The following ALLC variants were observed in gnomAD, a reference collection of about 807,000 sequenced individuals.
The protein encoded by ALLC is allantoicase, also known as probable inactive allantoicase.
In ALLC, 40 loss-of-function variants were observed where a neutral mutation model predicts 45.0. The observed-to-expected ratio is 0.89, with a 90% CI of 0.69 to 1.16. The LOEUF is 1.16. Ranked by LOEUF, ALLC falls within the 50% of genes most tolerant of loss-of-function variation. The pLI is 0.00. For synonymous variants in ALLC, 176 were observed against 178.1 expected, an observed-to-expected ratio of 0.99 and a Z score of 0.09; for missense variants, 488 against 493.1, an observed-to-expected ratio of 0.99 and a Z score of 0.10.
intron 1 of ALLC, among the ~76,000 whole-genome samples, chr2:3,667,851 G>A (rs550630416): frequency 3.3e-5 from 5 of 152,304 alleles, no homozygotes; most frequent in East Asian, 1.9e-4. Flanking sequence ...CGCAACCTCC[G>A]CCTTCCGGGT....
the ALLC span, among the ~76,000 whole-genome samples, chr2:3,647,104 C>A: frequency 6.6e-6 from 1 of 152,152 alleles, no homozygotes; most frequent in Non-Finnish European, 1.5e-5. Flanking sequence ...CTCTGGTTCG[C>A]TGAGGTGGCC....
intron 1 of ALLC, among the ~76,000 whole-genome samples, chr2:3,661,832 G>T (rs1666585370): frequency 6.6e-6 from 1 of 152,188 alleles, no homozygotes; most frequent in African/African-American, 2.4e-5. Context: ...TGGTCTGTTT[G>T]GCAGACCTCC....
At chr2:3,698,066 C>T (rs533609625) in intron 10 of ALLC, among the ~76,000 whole-genome samples, 21 of 152,082 alleles carry the variant, frequency 1.4e-4, no homozygotes, top group African/African-American at 4.6e-4. Context: ...TGGGTTCAAG[C>T]GATTCTTCCT....
intron 10 of ALLC, among the ~76,000 whole-genome samples, chr2:3,699,645 C>T (rs1667771858): frequency 6.6e-6 from 1 of 152,176 alleles, no homozygotes; most frequent in South Asian, 2.1e-4. Flanking sequence ...CCCTTTTCTC[C>T]ACAACCTTGT....
At chr2:3,659,817 G>A (rs1015045541) in intron 1 of ALLC, among the ~76,000 whole-genome samples, 5 of 152,236 alleles carry the variant, frequency 3.3e-5, no homozygotes. Flanking sequence ...CACAGCACAG[G>A]CCACTGTGGA....
the ALLC span, among the ~76,000 whole-genome samples, chr2:3,651,088 G>T: frequency 6.6e-6 from 1 of 152,118 alleles, no homozygotes; most frequent in African/African-American, 2.4e-5. Flanking sequence ...TGGCACGCGT[G>T]TATTTCTCAG....
At chr2:3,668,566 C>CT (rs1173613810) in intron 1 of ALLC, among the ~76,000 whole-genome samples, 876 of 71,858 alleles carry the variant, frequency 0.012, 168 homozygotes, top group African/African-American at 0.036. Flanking sequence ...ATGTGTATGA[C>CT]TTTTTTTTTT....
At chr2:3,682,652 A>T (rs193165052) in intron 6 of ALLC, among the ~76,000 whole-genome samples, 4 of 152,034 alleles carry the variant, frequency 2.6e-5, no homozygotes, top group Admixed American at 2.0e-4. Context: ...CAGCCTCCCG[A>T]GTAGCTGGGA....
At chr2:3,651,135 GACAC>G in the ALLC span, among the ~76,000 whole-genome samples, 1 of 152,088 alleles carries the variant, frequency 6.6e-6, no homozygotes, top group South Asian at 2.1e-4. Flanking sequence ...GATGAGCGCA[GACAC>G]ACAGCCTGGG....
Position 3,683,054 on chromosome 2 carries a change from T to G in ALLC, c.491T>G (p.Ile164Ser). 4 of 1,613,806 alleles carry G rather than the reference T, an allele frequency of 2.5e-6. No homozygotes were observed. Among genetic ancestry groups the G allele is most frequent in the Non-Finnish European group, 3.4e-6 (4 of 1,179,846 alleles). The change falls in exon 7 of 12, where the codon ATC becomes AGC. Residue 164 changes from isoleucine (I) to serine (S), a missense_variant. Transcript: ENST00000252505. ...AATTCCCAGCAGAGATGGACTCATA[T>G]CAGACTCAACATTTTCCCAGGTAAT... Reference protein sequence around the residue: ...LVNSQQRWTHIRLNIFPDGGI... With the variant: ...LVNSQQRWTHSRLNIFPDGGI...
At chr2:3,647,147 G>C in the ALLC span, among the ~76,000 whole-genome samples, 2 of 152,162 alleles carry the variant, frequency 1.3e-5, no homozygotes, top group Non-Finnish European at 2.9e-5. Context: ...GGCTGCAGGG[G>C]TTGCGCGTGT....
chr2:3,701,179 G>C (rs981428923), intron 10 of ALLC, among the ~76,000 whole-genome samples: 1 of 152,222 alleles, frequency 6.6e-6, no homozygotes, highest in Non-Finnish European at 1.5e-5. Flanking sequence ...CAGTCTGCAA[G>C]TAATTAAATC....
At chr2:3,666,730 G>C (rs914527016) in intron 1 of ALLC, among the ~76,000 whole-genome samples, 1 of 152,224 alleles carries the variant, frequency 6.6e-6, no homozygotes, top group Non-Finnish European at 1.5e-5. Flanking sequence ...CCAGTCGGTA[G>C]GTTGTGTGTC....
At chr2:3,663,840 G>C (rs1666632635) in intron 1 of ALLC, among the ~76,000 whole-genome samples, 1 of 152,190 alleles carries the variant, frequency 6.6e-6, no homozygotes, top group Non-Finnish European at 1.5e-5. Context: ...CACCTGTGCT[G>C]TCTGGCAGAA....
At chr2:3,651,847 G>C in the ALLC span, among the ~76,000 whole-genome samples, 1 of 152,098 alleles carries the variant, frequency 6.6e-6, no homozygotes, top group Non-Finnish European at 1.5e-5. Context: ...CCTTAGGCCT[G>C]AAACTGCTCT....
chr2:3,651,307 G>A, the ALLC span, among the ~76,000 whole-genome samples: 1 of 5,548 alleles, frequency 1.8e-4, no homozygotes, highest in Non-Finnish European at 3.5e-4. Flanking sequence ...TGGGTGGGTG[G>A]GTGGGTGGGG....
chr2:3,690,153 A>G (rs1247818508), intron 7 of ALLC, among the ~76,000 whole-genome samples: 3 of 147,490 alleles, frequency 2.0e-5, no homozygotes, highest in Admixed American at 6.8e-5. Flanking sequence ...AAGCAACAGT[A>G]TACCTTTTAT....
intron 7 of ALLC, among the ~76,000 whole-genome samples, chr2:3,690,246 C>CCCCTTCCCTT (rs1558545606): frequency 1.5e-5 from 1 of 68,412 alleles, no homozygotes. Context: ...CTGATCCCCT[C>CCCCTTCCCTT]CCCTTCCCTT....
intron 1 of ALLC, among the ~76,000 whole-genome samples, chr2:3,660,185 G>T (rs10208384): frequency 0.18 from 27,671 of 152,042 alleles, 2,759 homozygotes; most frequent in African/African-American, 0.24. Flanking sequence ...AGTCTGGTGA[G>T]AGCTGCTTGT....
Sources: allele counts gnomAD v4.1 joint callset (sites outside exome capture counted in the v4.1 genomes callset), GRCh38; gene constraint gnomAD v4.1.1; transcripts MANE v1.5; gene names NCBI Gene and HGNC (gene_info 2026-07-23, HGNC 2026-07-21).